PRICKLE2: variants seen among roughly 807,000 people sequenced by gnomAD.
The protein encoded by PRICKLE2 is prickle-like protein 2.
In PRICKLE2, 21 loss-of-function variants were observed where a neutral mutation model predicts 81.4. The ratio of observed to expected loss-of-function variants is 0.26; its 90% CI spans 0.18 to 0.37. The LOEUF (loss-of-function observed/expected upper bound fraction) is 0.37. Ranked by LOEUF, PRICKLE2 falls within the 10% of genes least tolerant of loss-of-function variation. The pLI is 1.00. For missense variants in PRICKLE2, 940 were observed against 1,109.0 expected, an observed-to-expected ratio of 0.85 and a Z score of 2.16; for synonymous variants, 456 against 421.5, an observed-to-expected ratio of 1.08 and a Z score of -1.00.
intron 2 of PRICKLE2, chr3:64,187,611 T>G (rs2078259118): frequency 6.6e-6 from 1 of 152,124 alleles, no homozygotes. Context: ...GGCTGGTGAG[T>G]CTAATGATGG....
rs930861685 is a variant in PRICKLE2, at chr3:64,097,351, A to G, written c.*1700T>C. The G allele has an allele frequency of 6.6e-6, 1 of 152,566 alleles. No homozygotes were observed. Among genetic ancestry groups the G allele is most frequent in the African/African-American group, 2.4e-5 (1 of 41,404 alleles). The allele number at this position is 152,566 out of a possible 1,614,324, so 9.5% of individuals were successfully genotyped here. On this transcript the variant is annotated 3_prime_UTR_variant, in exon 8 of 8. Transcript: ENST00000638394. ...AAAATACTAGAAAATGTTAACTACT[A>G]TACTGAAAAGAGATCACGCTCACCT...
At chr3:64,116,579 T>C (rs535874171) in intron 7 of PRICKLE2, among the ~76,000 whole-genome samples, 30 of 152,240 alleles carry the variant, frequency 2.0e-4, no homozygotes, top group African/African-American at 7.0e-4. Context: ...TCTATGTACA[T>C]AAACTAGAAA....
rs770752565 is a variant in PRICKLE2 at position 64,225,432 on chromosome 3, G to A, written c.-563C>T. 1.2e-4 allele frequency: 120 copies of A among 964,902 alleles called. No homozygotes were observed. Among genetic ancestry groups the A allele is most frequent in the South Asian group, 3.0e-4 (6 of 20,322 alleles). The allele number at this position is 964,902 out of a possible 1,614,324, so 59.8% of individuals were successfully genotyped here. The stretch of plus-strand genomic sequence containing the variant: ...AAAAATAATAATAACTCTCGGTGGC[G>A]CTGCTGGTGGTGCCTGAGAAGTCGC... On this transcript the variant is annotated 5_prime_UTR_variant, in exon 1 of 8. Coordinates refer to ENST00000638394, the MANE Select transcript of PRICKLE2 (RefSeq NM_198859.4).
chr3:64,159,385 T>C (rs879317538), intron 4 of PRICKLE2, among the ~76,000 whole-genome samples: 1 of 152,240 alleles, frequency 6.6e-6, no homozygotes, highest in African/African-American at 2.4e-5. Context: ...TAAAGGTCTC[T>C]TTTTAAAACA....
chr3:64,209,619 C>T (rs116416470), intron 1 of PRICKLE2, among the ~76,000 whole-genome samples: 1 of 152,324 alleles, frequency 6.6e-6, no homozygotes, highest in East Asian at 1.9e-4. Context: ...ACCTACCAAC[C>T]AACCAACTGC....
chr3:64,145,204 A>T (rs1349891927), intron 7 of PRICKLE2, among the ~76,000 whole-genome samples: 2 of 145,978 alleles, frequency 1.4e-5, no homozygotes, highest in Non-Finnish European at 1.5e-5. Flanking sequence ...GGCTCAAGTG[A>T]TCCTCCTGCT....
chr3:64,249,891 A>G (rs544847905), intron 2 of PRICKLE2, among the ~76,000 whole-genome samples: 34 of 152,356 alleles, frequency 2.2e-4, no homozygotes, highest in African/African-American at 7.0e-4. Flanking sequence ...ATTGTGTAGC[A>G]TATCAATATT....
chr3:64,162,916 GTTC>G lies in PRICKLE2; in HGVS notation c.258+97_258+99del, dbSNP rs878936106. ...CTAAAACCTAAAATAAATTGCCAGA[GTTC>G]TTCTTCGGCTACCTCATTGGTGGCA... On this transcript the variant is annotated intron_variant, in intron 3 of 7. Coordinates refer to ENST00000638394, the MANE Select transcript of PRICKLE2 (RefSeq NM_198859.4). 39 of 840,704 alleles carry G rather than the reference GTTC, an allele frequency of 4.6e-5. No individual in the cohort carries two copies. In the South Asian group the frequency reaches 4.8e-4, roughly 10 times the overall value. The allele number at this position is 840,704 out of a possible 1,614,324, so 52.1% of individuals were successfully genotyped here. A position where few individuals can be genotyped will look rare whatever the true frequency, so the allele number is the denominator to read the frequency against.
At chr3:64,171,380 G>A (rs986327052) in intron 2 of PRICKLE2, among the ~76,000 whole-genome samples, 1 of 152,190 alleles carries the variant, frequency 6.6e-6, no homozygotes, top group Non-Finnish European at 1.5e-5. Flanking sequence ...GGCCAGGGAC[G>A]CTGCCAAACT....
chr3:64,106,437 A>G (rs40352), intron 7 of PRICKLE2, among the ~76,000 whole-genome samples: 127,900 of 152,220 alleles, frequency 0.84, 58,067 homozygotes, highest in Non-Finnish European at 1. Context: ...TATGACCTGC[A>G]AAGACTCAAA....
At chr3:64,209,898 T>A (rs1474626989) in intron 1 of PRICKLE2, among the ~76,000 whole-genome samples, 1 of 152,142 alleles carries the variant, frequency 6.6e-6, no homozygotes, top group African/African-American at 2.4e-5. Flanking sequence ...AAGTGACATT[T>A]GAGTTGTGAT....
At chr3:64,191,236 C>T (rs1439114204) in intron 2 of PRICKLE2, among the ~76,000 whole-genome samples, 1 of 152,254 alleles carries the variant, frequency 6.6e-6, no homozygotes, top group East Asian at 1.9e-4. Flanking sequence ...CGTAACCTCC[C>T]TCTTTCCCGG....
At chr3:64,225,536 C>A (rs539562011), upstream of PRICKLE2, 5 of 745,784 alleles carry the variant, frequency 6.7e-6, no homozygotes, top group East Asian at 2.6e-4. Context: ...GACGTCCCAT[C>A]CTGCTGCCCA....
At chr3:64,205,071 A>C (rs2078658629) in intron 1 of PRICKLE2, among the ~76,000 whole-genome samples, 1 of 150,464 alleles carries the variant, frequency 6.6e-6, no homozygotes, top group Non-Finnish European at 1.5e-5. Flanking sequence ...ATTTATGAAA[A>C]TAGAACCTGC....
At chr3:64,169,998 C>T (rs1456040218) in intron 2 of PRICKLE2, among the ~76,000 whole-genome samples, 2 of 152,092 alleles carry the variant, frequency 1.3e-5, no homozygotes, top group African/African-American at 4.8e-5. Flanking sequence ...TAGGGATGGG[C>T]TGCTCATGAG....
chr3:64,227,726 A>G (rs1466662011), upstream of PRICKLE2, among the ~76,000 whole-genome samples: 12 of 152,148 alleles, frequency 7.9e-5, no homozygotes, highest in Admixed American at 7.9e-4. Flanking sequence ...CCATTGGGAG[A>G]ATCCAATGAG....
intron 2 of PRICKLE2, among the ~76,000 whole-genome samples, chr3:64,265,414 C>G (rs2079685949): frequency 6.6e-6 from 1 of 152,108 alleles, no homozygotes; most frequent in Non-Finnish European, 1.5e-5. Flanking sequence ...GAATATCGCA[C>G]AGAGTTTATA....
chr3:64,171,134 T>TC (rs2077923422), intron 2 of PRICKLE2, among the ~76,000 whole-genome samples: 1 of 152,130 alleles, frequency 6.6e-6, no homozygotes, highest in Non-Finnish European at 1.5e-5. Context: ...GAAAGGTTAT[T>TC]CCCCCAGATA....
intron 1 of PRICKLE2, chr3:64,200,603 C>A (rs2078554649): frequency 1.3e-5 from 2 of 151,786 alleles, no homozygotes; most frequent in African/African-American, 2.4e-5. Flanking sequence ...CACACAGGGG[C>A]ATGCCACCAC....
Sources: gnomAD v4.1 joint callset for allele counts (sites outside exome capture counted in the v4.1 genomes callset) on GRCh38, gnomAD v4.1.1 for gene constraint, MANE v1.5 for transcripts, NCBI Gene and HGNC (gene_info 2026-07-23, HGNC 2026-07-21) for gene names.